GRIK4: variants seen among roughly 807,000 people sequenced by gnomAD.
The protein encoded by GRIK4 is glutamate receptor ionotropic, kainate 4.
A neutral mutation model predicts 104.9 loss-of-function variants in GRIK4; 40 were observed. That is an observed-to-expected ratio of 0.38 (90% confidence interval 0.30 to 0.50). GRIK4 has a LOEUF of 0.50. GRIK4 is among the 20% of genes least tolerant of loss of function. The pLI is 0.93. For synonymous variants in GRIK4, 485 were observed against 524.9 expected (o/e 0.92, Z 1.04); for missense variants, 1,047 against 1,308.1 (o/e 0.80, Z 3.08).
rs1373321007 is a variant in GRIK4 at position 120,953,942 on chromosome 11, C to T, written c.1700+978C>T. ...AGGAGCTTCTGGAATCTGTCCGTGG[C>T]TCTGGTTTGCAGGTGTCTCTTCAGT... On this transcript the variant is annotated intron_variant, in intron 15 of 20. Transcript: ENST00000527524. The surrounding 1 kb of genome is among the most constrained non-coding windows in gnomAD (Gnocchi z 4.9). 1.3e-5 allele frequency among the ~76,000 whole-genome samples: 2 copies of T among 152,182 alleles called. No individual in the cohort carries two copies. Among genetic ancestry groups the T allele is most frequent in the African/African-American group, 4.8e-5 (2 of 41,450 alleles).
intron 1 of GRIK4, chr11:120,564,474 G>A (rs903424503): frequency 6.6e-6 from 1 of 152,216 alleles, no homozygotes; most frequent in Non-Finnish European, 1.5e-5. Context: ...AGTGGGGTCG[G>A]AGCGCAGGGC....
chr11:120,535,870 G>C (rs1947968480), intron 1 of GRIK4, among the ~76,000 whole-genome samples: 1 of 152,234 alleles, frequency 6.6e-6, no homozygotes, highest in Admixed American at 6.5e-5. Context: ...CCTGCCTTCA[G>C]TCAGTAGGCA....
chr11:120,878,660 C>T (rs1488656539), intron 11 of GRIK4, among the ~76,000 whole-genome samples: 1 of 149,892 alleles, frequency 6.7e-6, no homozygotes, highest in Non-Finnish European at 1.5e-5. Flanking sequence ...CTGCTGCTTC[C>T]CTGTCTGGTT....
chr11:120,561,624 G>C (rs904060618), intron 1 of GRIK4, among the ~76,000 whole-genome samples: 1 of 152,200 alleles, frequency 6.6e-6, no homozygotes, highest in Non-Finnish European at 1.5e-5. Context: ...CCACACCTTC[G>C]GGGGCAGCCC....
At chr11:120,525,217 A>G (rs1441752251) in intron 1 of GRIK4, among the ~76,000 whole-genome samples, 2 of 152,166 alleles carry the variant, frequency 1.3e-5, no homozygotes, top group African/African-American at 2.4e-5. Flanking sequence ...GTCAAGTCAG[A>G]TTGAGTCTAG....
At chr11:120,577,758 A>G (rs1039158596) in intron 1 of GRIK4, among the ~76,000 whole-genome samples, 1 of 152,186 alleles carries the variant, frequency 6.6e-6, no homozygotes, top group Non-Finnish European at 1.5e-5. Context: ...GAGCTGGCCC[A>G]GAGTATCTGC....
At chr11:120,783,888 C>G (rs1217758065) in intron 3 of GRIK4, among the ~76,000 whole-genome samples, 2 of 152,106 alleles carry the variant, frequency 1.3e-5, no homozygotes, top group Non-Finnish European at 2.9e-5. Context: ...GGAGGACAGA[C>G]CTGAGAGGTG....
intron 1 of GRIK4, among the ~76,000 whole-genome samples, chr11:120,567,594 G>A (rs1565552948): frequency 6.6e-6 from 1 of 152,226 alleles, no homozygotes; most frequent in Non-Finnish European, 1.5e-5. Context: ...TGTGACTGAA[G>A]GCCTTGTGTG....
At chr11:120,632,433 C>T (rs1180498640) in intron 1 of GRIK4, among the ~76,000 whole-genome samples, 1 of 152,034 alleles carries the variant, frequency 6.6e-6, no homozygotes, top group Non-Finnish European at 1.5e-5. Flanking sequence ...CTTCCATGCT[C>T]CGTGTCCCCT....
intron 1 of GRIK4, among the ~76,000 whole-genome samples, chr11:120,581,508 A>G (rs1305746303): frequency 2.6e-5 from 4 of 152,210 alleles, no homozygotes; most frequent in African/African-American, 9.6e-5. Context: ...ATCAGTCTCT[A>G]GAGCTCTTTC....
In GRIK4 at chr11:120,986,289, CGGGCGGGGCGGGAGGGGAG is replaced by C. The variant is rs758796201; in HGVS notation, c.*42_*60del. 144 of 749,250 alleles carry C rather than the reference CGGGCGGGGCGGGAGGGGAG, an allele frequency of 1.9e-4. No individual in the cohort carries two copies. The East Asian group carries it at 3.7e-3, about 19-fold the overall frequency. 46.4% of individuals were successfully genotyped at this position (749,250 alleles called of 1,614,324 possible). On this transcript the variant is annotated 3_prime_UTR_variant, in exon 21 of 21. Transcript: ENST00000527524. ...CGGAGGCCACAGGACGCGCAGAGGC[CGGGCGGGGCGGGAGGGGAG>C]GGGCGGGGCGGGCGCTGCTGTCAGC...
Position 120,986,290 on chromosome 11 carries a change from G to C in GRIK4, c.*30G>C, listed in dbSNP as rs1234062023. ...GGAGGCCACAGGACGCGCAGAGGCC[G>C]GGCGGGGCGGGAGGGGAGGGGCGGG... On this transcript the variant is annotated 3_prime_UTR_variant, in exon 21 of 21. Transcript: ENST00000527524. The C allele has an allele frequency of 9.7e-7, 1 of 1,035,556 alleles. No individual in the cohort carries two copies. Among genetic ancestry groups the C allele is most frequent in the Non-Finnish European group, 1.3e-6 (1 of 750,832 alleles). 64.1% of individuals were successfully genotyped at this position (1,035,556 alleles called of 1,614,324 possible). A position where few individuals can be genotyped will look rare whatever the true frequency, so the allele number is the denominator to read the frequency against.
rs1340136953 is a variant in GRIK4 at position 120,513,026 on chromosome 11, TGTC to T, written c.-159+1140_-159+1142del. Among the ~76,000 whole-genome samples, 3 of 152,130 alleles carry T rather than the reference TGTC, an allele frequency of 2.0e-5. No homozygotes were observed. The highest frequency in any genetic ancestry group is 4.4e-5 in the Non-Finnish European group (3 of 68,020). ...GCTGCCATCTTCCTCTTGGTGCTGT[TGTC>T]TGGTGATGCCACGCGGTGCCACCTC... On this transcript the variant is annotated intron_variant, in intron 1 of 20. Coordinates refer to ENST00000527524, the MANE Select transcript of GRIK4 (RefSeq NM_014619.5). This position sits in a 1 kb window ranked among gnomAD's most constrained non-coding sequence, Gnocchi z 4.5.
chr11:120,707,859 G>A (rs148059917), intron 3 of GRIK4, among the ~76,000 whole-genome samples: 13 of 152,276 alleles, frequency 8.5e-5, no homozygotes, highest in South Asian at 2.1e-4. Context: ...CCCTCTGCAC[G>A]CTACTTGAGC....
intron 8 of GRIK4, among the ~76,000 whole-genome samples, chr11:120,850,796 CATT>C (rs60692595): frequency 0.08 from 11,626 of 144,696 alleles, 556 homozygotes; most frequent in East Asian, 0.18. Flanking sequence ...TGGCAAATCA[CATT>C]ATTATTATTA....
intron 8 of GRIK4, among the ~76,000 whole-genome samples, chr11:120,838,912 A>C (rs1162036017): frequency 6.6e-6 from 1 of 151,852 alleles, no homozygotes; most frequent in Non-Finnish European, 1.5e-5. Flanking sequence ...TCCGCCTCCC[A>C]AGTAGCTGGG....
chr11:120,765,335 G>A (rs1951817805), intron 3 of GRIK4, among the ~76,000 whole-genome samples: 1 of 151,780 alleles, frequency 6.6e-6, no homozygotes, highest in Non-Finnish European at 1.5e-5. Context: ...TCCTAAACTG[G>A]TTATTCTAGT....
intron 3 of GRIK4, among the ~76,000 whole-genome samples, chr11:120,797,230 C>T (rs935248685): frequency 3.3e-5 from 5 of 152,178 alleles, no homozygotes. Flanking sequence ...GGCCCCAGAC[C>T]TCCCAGCCTC....
intron 19 of GRIK4, among the ~76,000 whole-genome samples, chr11:120,981,410 G>A (rs1267801175): frequency 6.6e-6 from 1 of 152,098 alleles, no homozygotes; most frequent in Non-Finnish European, 1.5e-5. Context: ...CTAATTTTAG[G>A]AATGACTAGA....
Sources: gnomAD v4.1 joint callset for allele counts (sites outside exome capture counted in the v4.1 genomes callset) on GRCh38, gnomAD v4.1.1 for gene constraint, Gnocchi (gnomAD v3.1) non-coding constraint, MANE v1.5 for transcripts, NCBI Gene and HGNC (gene_info 2026-07-23, HGNC 2026-07-21) for gene names.